ECRG4: variants seen among roughly 807,000 people sequenced by gnomAD.
ECRG4 encodes the protein augurin.
ECRG4 carries 18 observed loss-of-function variants against 15.8 expected under a neutral mutation model. The ratio of observed to expected loss-of-function variants is 1.14; its 90% CI spans 0.79 to 1.69. ECRG4 has a LOEUF of 1.69. Among genes scored for constraint, ECRG4 ranks in the 40% most tolerant of loss-of-function variants. ECRG4 has a pLI of 0.00. For synonymous variants in ECRG4, 82 were observed against 73.9 expected, an observed-to-expected ratio of 1.11 and a Z score of -0.56; for missense variants, 200 against 190.9, an observed-to-expected ratio of 1.05 and a Z score of -0.28.
chr2:106,070,452 T>G (rs1676337599), intron 1 of ECRG4, among the ~76,000 whole-genome samples: 1 of 152,168 alleles, frequency 6.6e-6, no homozygotes, highest in Non-Finnish European at 1.5e-5. Flanking sequence ...ACCATGAGTG[T>G]GCCAAGTGAC....
chr2:106,067,059 C>CGGGG (rs1171603168), intron 1 of ECRG4, among the ~76,000 whole-genome samples: 11 of 4,252 alleles, frequency 2.6e-3, no homozygotes, highest in South Asian at 0.016. Flanking sequence ...TTTGGGAGGC[C>CGGGG]GGGGGGGGGG....
intron 1 of ECRG4, among the ~76,000 whole-genome samples, chr2:106,069,337 CT>C (rs1273893247): frequency 1.1e-3 from 108 of 101,876 alleles, no homozygotes; most frequent in Admixed American, 1.6e-3. Flanking sequence ...CTCTTTCTTT[CT>C]TTTTTTTTTT....
chr2:106,073,503 A>C (rs1676415241), intron 2 of ECRG4, among the ~76,000 whole-genome samples: 1 of 152,084 alleles, frequency 6.6e-6, no homozygotes, highest in African/African-American at 2.4e-5. Flanking sequence ...ATGCCCGTAT[A>C]CCTGTGTGGC....
At chr2:106,076,272 GAT>G (rs1676484743) in intron 3 of ECRG4, among the ~76,000 whole-genome samples, 2 of 152,286 alleles carry the variant, frequency 1.3e-5, no homozygotes, top group Admixed American at 1.3e-4. Flanking sequence ...AGTGAGCTGA[GAT>G]CATGCCACTT....
rs184071444 is a variant in ECRG4 at position 106,076,081 on chromosome 2, C to T, written c.286-1684C>T. On this transcript the variant is annotated intron_variant, in intron 3 of 3. Coordinates refer to ENST00000238044, the MANE Select transcript of ECRG4 (RefSeq NM_032411.3). ...CTGTAATCCTAGCACTTTGGGAGGCCGAGATGGGTGGATCACCTGAGGTCA... is the reference window on the plus strand; with the variant it reads ...CTGTAATCCTAGCACTTTGGGAGGCTGAGATGGGTGGATCACCTGAGGTCA... Among the ~76,000 whole-genome samples, 225 of 152,190 alleles carry T rather than the reference C, an allele frequency of 1.5e-3. 1 individual carries two copies. Among genetic ancestry groups the T allele is most frequent in the Middle Eastern group, 0.01 (3 of 294 alleles).
At chr2:106,074,821 T>A (rs1191672678) in intron 3 of ECRG4, among the ~76,000 whole-genome samples, 1 of 152,198 alleles carries the variant, frequency 6.6e-6, no homozygotes, top group East Asian at 1.9e-4. Context: ...GGCAGTTGGA[T>A]GTGTTTTTCA....
chr2:106,077,724 C>T (rs1321193917), intron 3 of ECRG4, 41 bp from the exon 4 acceptor site: 1 of 1,593,696 alleles, frequency 6.3e-7, no homozygotes, highest in South Asian at 1.1e-5. Flanking sequence ...GACTGCATGA[C>T]CTTAAATCCA....
chr2:106,063,651 C>T (rs977256565), upstream of ECRG4, among the ~76,000 whole-genome samples: 8 of 152,144 alleles, frequency 5.3e-5, no homozygotes, highest in East Asian at 3.9e-4. Context: ...GGCGCAATCT[C>T]GGCTCACTGC....
At chr2:106,068,137 G>A (rs897773003) in intron 1 of ECRG4, among the ~76,000 whole-genome samples, 3 of 151,740 alleles carry the variant, frequency 2.0e-5, no homozygotes, top group Non-Finnish European at 2.9e-5. Context: ...GAACCACCAC[G>A]CCCTTCCTCA....
chr2:106,065,784 G>A lies in ECRG4; in HGVS notation c.20G>A (p.Arg7Gln), dbSNP rs1298232252. Residue 7 changes from arginine to glutamine, a missense_variant, in exon 1 of 4, where the codon CGG (arginine) becomes CAG (glutamine). Arg to Gln is a conservative substitution (Grantham distance 43). Coordinates refer to ENST00000238044, the MANE Select transcript of ECRG4 (RefSeq NM_032411.3). MAASPA[R>Q]PAVLALTGLA... ...GCCGCCATGGCTGCCTCCCCCGCGC[G>A]GCCTGCTGTCCTGGCCCTGACCGGG... is the stretch of plus-strand genomic sequence containing the variant. 6.7e-7 allele frequency: 1 copy of A among 1,482,956 alleles called. No homozygotes were observed. The allele number at this position is 1,482,956 out of a possible 1,614,324, so 91.9% of individuals were successfully genotyped here.
intron 3 of ECRG4, among the ~76,000 whole-genome samples, chr2:106,074,536 T>C (rs765882124): frequency 5.1e-4 from 78 of 152,298 alleles, no homozygotes; most frequent in Non-Finnish European, 8.8e-4. Flanking sequence ...AATGCACTTA[T>C]AGGAAAAGAT....
At chr2:106,072,681 C>T (rs953856571) in intron 2 of ECRG4, among the ~76,000 whole-genome samples, 1 of 152,248 alleles carries the variant, frequency 6.6e-6, no homozygotes, top group Non-Finnish European at 1.5e-5. Flanking sequence ...GGCCCTCCCA[C>T]AGGTGGCTGG....
intron 1 of ECRG4, among the ~76,000 whole-genome samples, chr2:106,067,279 T>C (rs1369848153): frequency 6.6e-6 from 1 of 151,048 alleles, no homozygotes; most frequent in Non-Finnish European, 1.5e-5. Context: ...GTAACAAGAG[T>C]GAAACTCCGT....
At position 106,077,984 on chromosome 2, in the gene ECRG4, T is replaced by G; in HGVS notation, c.*58T>G. On this transcript the variant is annotated 3_prime_UTR_variant, in exon 4 of 4. Transcript: ENST00000238044. Reference sequence around the variant, plus strand: ...ATAGCGATTCTCTTCATGTATCTCCTAATGCCTTACACTACTTGGTTTCTG... The same window carrying G: ...ATAGCGATTCTCTTCATGTATCTCCGAATGCCTTACACTACTTGGTTTCTG... The G allele has an allele frequency of 9.2e-6, 14 of 1,526,876 alleles. No homozygotes were observed. The highest frequency in any genetic ancestry group is 2.4e-5 in the South Asian group (2 of 82,446). 94.6% of individuals were successfully genotyped at this position (1,526,876 alleles called of 1,614,324 possible).
At position 106,074,241 on chromosome 2, in the gene ECRG4, CA is replaced by C. The variant is rs537665800; in HGVS notation, c.285+199del. On this transcript the variant is annotated intron_variant, in intron 3 of 3. Transcript: ENST00000238044. The stretch of plus-strand genomic sequence containing the variant: ...AAGGGCGATGGCTGGAAGTTTCCAC[CA>C]GGGTACATTCAGGAGGCAGAACCCA... 1.3e-4 allele frequency: 82 copies of C among 612,942 alleles called. 1 individual carries two copies. Among genetic ancestry groups the C allele is most frequent in the Admixed American group, 1.3e-3 (44 of 33,024 alleles). The allele number at this position is 612,942 out of a possible 1,614,324, so 38.0% of individuals were successfully genotyped here.
chr2:106,073,726 C>T (rs565820688), intron 2 of ECRG4, 160 bp from the exon 3 acceptor site: 18 of 818,016 alleles, frequency 2.2e-5, no homozygotes, highest in African/African-American at 1.4e-4. Flanking sequence ...ACAGAATCTA[C>T]GAGGCTGTGT....
chr2:106,066,536 TGAGTTACC>T (rs1364358660), intron 1 of ECRG4, among the ~76,000 whole-genome samples: 3 of 152,232 alleles, frequency 2.0e-5, no homozygotes, highest in Non-Finnish European at 2.9e-5. Context: ...TGGTTTGTCC[TGAGTTACC>T]ACCTTCACTG....
intron 2 of ECRG4, 86 bp downstream of exon 2, chr2:106,071,977 G>T: frequency 8.3e-7 from 1 of 1,198,058 alleles, no homozygotes. Context: ...CTGGAGTCTT[G>T]TATTTGGAAA....
chr2:106,070,807 C>T, intron 1 of ECRG4: 2 of 415,152 alleles, frequency 4.8e-6, no homozygotes, highest in South Asian at 3.6e-5. Flanking sequence ...GGAGCCTGTC[C>T]ATGGAAGGAG....
Sources: gnomAD v4.1 joint callset for allele counts (sites outside exome capture counted in the v4.1 genomes callset) on GRCh38, gnomAD v4.1.1 for gene constraint, MANE v1.5 for transcripts, NCBI Gene and HGNC (gene_info 2026-07-23, HGNC 2026-07-21) for gene names.